The following ZNF33A variants were observed in gnomAD, a reference collection of about 807,000 sequenced individuals.
ZNF33A encodes the protein zinc finger protein 33A, also known as brain my041 protein.
A neutral mutation model predicts 15.9 loss-of-function variants in ZNF33A; 9 were observed. The ratio of observed to expected loss-of-function variants is 0.57; its 90% confidence interval spans 0.34 to 0.99. The LOEUF (loss-of-function observed/expected upper bound fraction) is 0.99. ZNF33A is among the 50% of genes least tolerant of loss of function. The pLI is 0.02. For missense variants in ZNF33A, 843 were observed against 941.6 expected (o/e 0.90, Z 1.37); for synonymous variants, 294 against 324.2 (o/e 0.91, Z 1.00).
intron 4 of ZNF33A, among the ~76,000 whole-genome samples, chr10:38,041,714 C>T (rs1258091850): frequency 6.6e-6 from 1 of 151,978 alleles, no homozygotes; most frequent in Non-Finnish European, 1.5e-5. Flanking sequence ...GGAAGCTCAA[C>T]CAGTAAGTAT....
At chr10:38,063,831 T>C (rs530077251), downstream of ZNF33A, among the ~76,000 whole-genome samples, 1 of 152,308 alleles carries the variant, frequency 6.6e-6, no homozygotes, top group Admixed American at 6.5e-5. Flanking sequence ...TATTTTCACC[T>C]TGGTTCAGTT....
rs1478573333 is a variant in ZNF33A at position 38,055,981 on chromosome 10, C to T, written c.1857C>T (p.Tyr619=). 4 of 1,613,488 alleles carry T rather than the reference C, an allele frequency of 2.5e-6. No individual in the cohort carries two copies. Among genetic ancestry groups the T allele is most frequent in the Admixed American group, 3.3e-5 (2 of 59,952 alleles). The change falls in exon 5 of 5, where the codon TAC becomes TAT. Residue 619 remains tyrosine (Y), a synonymous_variant. Coordinates refer to ENST00000432900, the MANE Select transcript of ZNF33A (RefSeq NM_006954.2). The part of the protein sequence containing the change: ...YECNECGKAF[Y]QKSQLTQHQR... ...GTAATGAATGTGGAAAAGCCTTCTACCAGAAGTCACAACTCACTCAGCATC... is the reference window on the plus strand; with the variant it reads ...GTAATGAATGTGGAAAAGCCTTCTATCAGAAGTCACAACTCACTCAGCATC...
chr10:38,064,123 T>C, downstream of ZNF33A: 1 of 1,595,896 alleles, frequency 6.3e-7, no homozygotes, highest in Non-Finnish European at 8.5e-7. Context: ...ATTAAACCCC[T>C]GCAGTGCTGG....
At chr10:38,021,582 G>A (rs2064748090) in intron 4 of ZNF33A, among the ~76,000 whole-genome samples, 1 of 152,144 alleles carries the variant, frequency 6.6e-6, no homozygotes, top group Non-Finnish European at 1.5e-5. Flanking sequence ...GAAGGTTGCA[G>A]TGAGCCAAGA....
Position 38,010,687 on chromosome 10 carries a change from C to T in ZNF33A, c.-141C>T. On this transcript the variant is annotated 5_prime_UTR_variant, in exon 1 of 5. Coordinates refer to ENST00000432900, the MANE Select transcript of ZNF33A (RefSeq NM_006954.2). ...CGGCTACGTCTGCGTTTCCGCCTTT[C>T]CTTTTGTTTTTCTCAGGTTTTGCGT... The T allele has an allele frequency of 1.3e-6, 2 of 1,596,202 alleles. No individual in the cohort carries two copies. The highest frequency in any genetic ancestry group is 1.1e-5 in the South Asian group (1 of 91,054).
At chr10:38,065,657 C>T (rs2066703389), downstream of ZNF33A, among the ~76,000 whole-genome samples, 1 of 151,960 alleles carries the variant, frequency 6.6e-6, no homozygotes, top group Non-Finnish European at 1.5e-5. Context: ...ACCACCAACT[C>T]CAGTGGGCTG....
intron 4 of ZNF33A, chr10:38,039,536 G>A (rs575844033): frequency 1.1e-5 from 5 of 455,770 alleles, no homozygotes; most frequent in Non-Finnish European, 2.2e-5. Flanking sequence ...CTGTAATGGG[G>A]AGTTTTAAAT....
chr10:38,065,713 C>CT (rs35846280), downstream of ZNF33A, among the ~76,000 whole-genome samples: 5,356 of 142,244 alleles, frequency 0.038, 149 homozygotes, highest in African/African-American at 0.083. Flanking sequence ...ATGGGACACA[C>CT]TTTTTTTTTT....
At chr10:38,014,551 G>A (rs1462153050) in intron 2 of ZNF33A, among the ~76,000 whole-genome samples, 1 of 152,192 alleles carries the variant, frequency 6.6e-6, no homozygotes, top group Non-Finnish European at 1.5e-5. Context: ...TGAGGTAGAT[G>A]TCAGATTCCT....
At position 38,055,801 on chromosome 10, in the gene ZNF33A, G is replaced by A. The variant is rs762854700; in HGVS notation, c.1677G>A (p.Gly559=). The A allele has an allele frequency of 1.3e-6, 2 of 1,585,396 alleles. No individual in the cohort carries two copies. The highest frequency in any genetic ancestry group is 2.2e-5 in the South Asian group (2 of 89,202). The change falls in exon 5 of 5, where the codon GGG becomes GGA. Residue 559 remains glycine (G), a synonymous_variant. Coordinates refer to ENST00000432900, the MANE Select transcript of ZNF33A (RefSeq NM_006954.2). ...GQKPFACPEC[G]KFFSHKSTLS... ...AACCCTTTGCATGTCCCGAATGTGG[G>A]AAATTCTTTAGCCATAAGTCAACCC...
intron 4 of ZNF33A, among the ~76,000 whole-genome samples, chr10:38,035,909 G>T (rs960200137): frequency 3.9e-5 from 6 of 152,290 alleles, no homozygotes; most frequent in Non-Finnish European, 7.4e-5. Flanking sequence ...ATTTAAGGAA[G>T]AAATATATAA....
upstream of ZNF33A, chr10:38,010,587 C>T (rs1451454695): frequency 4.1e-6 from 4 of 973,814 alleles, no homozygotes; most frequent in Admixed American, 1.7e-5. Context: ...CCCGGCCTCA[C>T]GGGAAAGGTA....
intron 4 of ZNF33A, among the ~76,000 whole-genome samples, chr10:38,021,315 C>CA (rs1368304894): frequency 1.3e-5 from 2 of 152,136 alleles, no homozygotes; most frequent in Non-Finnish European, 2.9e-5. Flanking sequence ...TAGCAAACCT[C>CA]AAAGTACACA....
At chr10:38,064,505 C>T (rs750252741), downstream of ZNF33A, 3 of 200,240 alleles carry the variant, frequency 1.5e-5, no homozygotes, top group African/African-American at 2.3e-5. Context: ...AAGTTTTATC[C>T]GATTTAGTCT....
chr10:38,057,316 T>C lies in ZNF33A; in HGVS notation c.*756T>C. The C allele has an allele frequency of 1.4e-5, 14 of 985,394 alleles. No homozygotes were observed. The highest frequency in any genetic ancestry group is 1.7e-5 in the Non-Finnish European group (14 of 829,892). The allele number at this position is 985,394 out of a possible 1,614,324, so 61.0% of individuals were successfully genotyped here. On this transcript the variant is annotated 3_prime_UTR_variant, in exon 5 of 5. Coordinates refer to ENST00000432900, the MANE Select transcript of ZNF33A (RefSeq NM_006954.2). ...ACACGCTTTCTGCAACCCTATCCCT[T>C]GCATCCACTTGACTATGAAGTTTTT...
rs577853549 is a variant in ZNF33A, at chr10:38,031,595, A to G, written c.250+14209A>G. ...AAAAAAAAAAAAGAAAAGAAAAAAAAAAAAAGAATTGTCTCCAAATAAAAA... is the reference window on the plus strand; with the variant it reads ...AAAAAAAAAAAAGAAAAGAAAAAAAGAAAAAGAATTGTCTCCAAATAAAAA... On this transcript the variant is annotated intron_variant, in intron 4 of 4. Transcript: ENST00000432900. Among the ~76,000 whole-genome samples the G allele has an allele frequency of 5.9e-5, 9 of 151,982 alleles. 1 individual carries two copies. In the South Asian group the frequency reaches 1.9e-3, roughly 32 times the overall value.
rs898425430 is a variant in ZNF33A at position 38,059,633 on chromosome 10, G to A, written c.*3073G>A. 6.6e-6 allele frequency: 1 copy of A among 152,178 alleles called. No homozygotes were observed. The highest frequency in any genetic ancestry group is 2.4e-5 in the African/African-American group (1 of 41,440). The allele number at this position is 152,178 out of a possible 1,614,324, so 9.4% of individuals were successfully genotyped here. ...AAAAGGCTTTCTATTTTGTATGATT[G>A]CAATTATATGACATTTTGGGAGAGG... is the stretch of plus-strand genomic sequence containing the variant. On this transcript the variant is annotated 3_prime_UTR_variant, in exon 5 of 5. Transcript: ENST00000432900.
downstream of ZNF33A, among the ~76,000 whole-genome samples, chr10:38,067,201 C>G (rs139719621): frequency 2.7e-3 from 411 of 152,304 alleles, 2 homozygotes; most frequent in African/African-American, 9.3e-3. Flanking sequence ...ATACACCAGA[C>G]CACATGTTCC....
intron 4 of ZNF33A, among the ~76,000 whole-genome samples, chr10:38,018,899 C>G (rs1453562959): frequency 1.3e-5 from 2 of 151,790 alleles, no homozygotes; most frequent in East Asian, 3.9e-4. Context: ...CCATGGCAAA[C>G]TCACACTGTA....
Sources: gnomAD v4.1 joint callset for allele counts (sites outside exome capture counted in the v4.1 genomes callset) on GRCh38, gnomAD v4.1.1 for gene constraint, MANE v1.5 for transcripts, NCBI Gene and HGNC (gene_info 2026-07-23, HGNC 2026-07-21) for gene names.